HPSE2: variants seen among roughly 807,000 people sequenced by gnomAD.
HPSE2 encodes the protein heparanase 2 (inactive).
In HPSE2, 38 loss-of-function variants were observed where a neutral mutation model predicts 60.5. The ratio of observed to expected loss-of-function variants is 0.63; its 90% CI spans 0.48 to 0.82. The LOEUF (loss-of-function observed/expected upper bound fraction) is 0.82. Ranked by LOEUF, HPSE2 falls within the 40% of genes least tolerant of loss-of-function variation. HPSE2 has a pLI of 0.00. For missense variants in HPSE2, 713 were observed against 740.4 expected, an observed-to-expected ratio of 0.96 and a Z score of 0.43; for synonymous variants, 295 against 293.2, an observed-to-expected ratio of 1.01 and a Z score of -0.06.
chr10:99,055,021 A>G (rs895636451), intron 3 of HPSE2, among the ~76,000 whole-genome samples: 1 of 152,098 alleles, frequency 6.6e-6, no homozygotes, highest in Non-Finnish European at 1.5e-5. Context: ...CTACTCTACA[A>G]TATTTTTAAT....
chr10:99,300,966 C>A, the HPSE2 span, among the ~76,000 whole-genome samples: 1 of 152,102 alleles, frequency 6.6e-6, no homozygotes, highest in South Asian at 2.1e-4. Context: ...TGTAAAAAAA[C>A]CAAATGGGGA....
intron 10 of HPSE2, among the ~76,000 whole-genome samples, chr10:98,489,611 A>C (rs1021811786): frequency 3.3e-5 from 5 of 152,224 alleles, no homozygotes; most frequent in Non-Finnish European, 7.3e-5. Context: ...CTAGGTTTCT[A>C]GCGGCATATC....
At chr10:98,945,120 C>A (rs1332018793) in intron 3 of HPSE2, among the ~76,000 whole-genome samples, 1 of 152,044 alleles carries the variant, frequency 6.6e-6, no homozygotes, top group Non-Finnish European at 1.5e-5. Flanking sequence ...AATCAATATA[C>A]CTTTTGTGTA....
chr10:98,946,914 T>C (rs1197491873), intron 3 of HPSE2, among the ~76,000 whole-genome samples: 1 of 152,040 alleles, frequency 6.6e-6, no homozygotes. Flanking sequence ...CTCCAGTAAA[T>C]TGCATATCAC....
chr10:98,704,684 T>C (rs1948500675), intron 5 of HPSE2, among the ~76,000 whole-genome samples: 1 of 152,208 alleles, frequency 6.6e-6, no homozygotes, highest in Admixed American at 6.5e-5. Flanking sequence ...TAATATATTG[T>C]GCTGGGAAAA....
intron 3 of HPSE2, among the ~76,000 whole-genome samples, chr10:98,820,308 T>G (rs1366588986): frequency 6.6e-6 from 1 of 152,078 alleles, no homozygotes; most frequent in Non-Finnish European, 1.5e-5. Context: ...ATCCACAAAG[T>G]TTCCAGGGAA....
chr10:98,610,899 A>G (rs984311769), intron 9 of HPSE2, among the ~76,000 whole-genome samples: 1 of 152,184 alleles, frequency 6.6e-6, no homozygotes, highest in African/African-American at 2.4e-5. Context: ...AGCTCTGTAA[A>G]TCAAGCTCTT....
At chr10:99,134,587 T>C (rs532423426) in intron 3 of HPSE2, among the ~76,000 whole-genome samples, 102 of 152,102 alleles carry the variant, frequency 6.7e-4, no homozygotes, top group Non-Finnish European at 1.3e-3. Flanking sequence ...AAGAAAAGAA[T>C]TTTCAACCCA....
At chr10:98,539,741 T>A (rs1188899392) in intron 9 of HPSE2, among the ~76,000 whole-genome samples, 4 of 152,154 alleles carry the variant, frequency 2.6e-5, no homozygotes, top group Non-Finnish European at 5.9e-5. Flanking sequence ...TGATTGCTTT[T>A]CTTTTCTTAT....
intron 9 of HPSE2, among the ~76,000 whole-genome samples, chr10:98,601,463 C>G (rs373593205): frequency 8.6e-4 from 131 of 152,266 alleles, no homozygotes; most frequent in African/African-American, 3.1e-3. Context: ...CAGCCAAGAA[C>G]ATGTAGGGCT....
intron 3 of HPSE2, among the ~76,000 whole-genome samples, chr10:98,985,448 T>G (rs1056183945): frequency 1.3e-5 from 2 of 152,102 alleles, no homozygotes; most frequent in Non-Finnish European, 2.9e-5. Context: ...TGCTGAGAGA[T>G]TTTGTCACCA....
intron 9 of HPSE2, among the ~76,000 whole-genome samples, chr10:98,581,648 C>G (rs1174992170): frequency 6.6e-6 from 1 of 152,060 alleles, no homozygotes; most frequent in Non-Finnish European, 1.5e-5. Context: ...ATAGTCCACC[C>G]TTGGTACAGG....
chr10:99,087,618 T>C (rs1273650934), intron 3 of HPSE2, among the ~76,000 whole-genome samples: 4 of 152,172 alleles, frequency 2.6e-5, no homozygotes, highest in Admixed American at 2.6e-4. Context: ...CGTAACCGGG[T>C]GGGATCCTGT....
At chr10:99,094,998 G>T (rs937759637) in intron 3 of HPSE2, among the ~76,000 whole-genome samples, 1 of 151,950 alleles carries the variant, frequency 6.6e-6, no homozygotes, top group Non-Finnish European at 1.5e-5. Flanking sequence ...AACCAGCCTG[G>T]GCAACAAAGT....
intron 11 of HPSE2, among the ~76,000 whole-genome samples, chr10:98,476,381 T>G: frequency 3.5e-5 from 5 of 143,114 alleles, no homozygotes; most frequent in African/African-American, 5.3e-5. Flanking sequence ...AAATGACGAG[T>G]TAATGGGTGC....
intron 5 of HPSE2, among the ~76,000 whole-genome samples, chr10:98,715,893 T>C (rs1948778615): frequency 6.6e-6 from 1 of 152,000 alleles, no homozygotes; most frequent in Non-Finnish European, 1.5e-5. Context: ...AACAGGGATG[T>C]TTGCCACATT....
chr10:98,770,650 C>T (rs1950220959), intron 3 of HPSE2, among the ~76,000 whole-genome samples: 1 of 152,078 alleles, frequency 6.6e-6, no homozygotes, highest in Admixed American at 6.6e-5. Flanking sequence ...CTTCTCCTCG[C>T]CTCCCCTTCC....
intron 3 of HPSE2, among the ~76,000 whole-genome samples, chr10:99,014,720 T>G (rs965132975): frequency 2.0e-5 from 3 of 152,198 alleles, no homozygotes; most frequent in Non-Finnish European, 4.4e-5. Context: ...GAGCTTTTCT[T>G]CACGACTGTC....
intron 3 of HPSE2, among the ~76,000 whole-genome samples, chr10:98,977,586 T>C (rs1018395179): frequency 6.6e-6 from 1 of 152,128 alleles, no homozygotes; most frequent in Non-Finnish European, 1.5e-5. Flanking sequence ...TTAACAGTGG[T>C]AGAGTCTGGC....
Sources: gnomAD v4.1 joint callset for allele counts (sites outside exome capture counted in the v4.1 genomes callset) on GRCh38, gnomAD v4.1.1 for gene constraint, MANE v1.5 for transcripts, NCBI Gene and HGNC (gene_info 2026-07-23, HGNC 2026-07-21) for gene names.